Variants in CDH13 observed in about 807,000 individuals in gnomAD.
The protein encoded by CDH13 is cadherin-13.
In CDH13, 24 loss-of-function variants were observed where a neutral mutation model predicts 63.8. That is an observed-to-expected ratio of 0.38 (90% CI 0.27 to 0.53). The LOEUF (loss-of-function observed/expected upper bound fraction) is 0.53, where lower values mean the gene tolerates loss of function less well. Ranked by LOEUF, CDH13 falls within the 20% of genes least tolerant of loss-of-function variation. CDH13 has a pLI of 0.85. For missense variants in CDH13, 1,049 were observed against 903.1 expected (o/e 1.16, Z -2.07); for synonymous variants, 503 against 355.3 (o/e 1.42, Z -4.67).
At chr16:82,968,219 A>G (rs1908148489) in intron 2 of CDH13, among the ~76,000 whole-genome samples, 1 of 152,146 alleles carries the variant, frequency 6.6e-6, no homozygotes, top group South Asian at 2.1e-4. Flanking sequence ...CCGTTTGTCC[A>G]GTGGGAAGCC....
Position 83,090,663 on chromosome 16 carries a change from G to C in CDH13, c.367-34722G>C, listed in dbSNP as rs535846007. Among the ~76,000 whole-genome samples, 8 of 152,064 alleles carry C rather than the reference G, an allele frequency of 5.3e-5. No homozygotes were observed. The South Asian group carries it at 1.7e-3, about 32-fold the overall frequency. On this transcript the variant is annotated intron_variant, in intron 3 of 13. Transcript: ENST00000567109. ...TCCTAGCCCAGGCTCTGCACTCTCG[G>C]TAATCCCTCTGACTGACTCTCAAGT... is the stretch of plus-strand genomic sequence containing the variant.
At chr16:83,335,398 A>ACC (rs1240455960) in intron 5 of CDH13, among the ~76,000 whole-genome samples, 1 of 151,728 alleles carries the variant, frequency 6.6e-6, no homozygotes, top group African/African-American at 2.4e-5. Context: ...AGTCAAACAC[A>ACC]CACACACACA....
intron 1 of CDH13, among the ~76,000 whole-genome samples, chr16:82,721,136 A>C (rs1320332327): frequency 6.6e-6 from 1 of 152,228 alleles, no homozygotes; most frequent in South Asian, 2.1e-4. Context: ...CCTTGATTTA[A>C]CAAACATTCA....
chr16:82,991,222 C>T (rs188549447), intron 2 of CDH13, among the ~76,000 whole-genome samples: 21 of 152,320 alleles, frequency 1.4e-4, no homozygotes, highest in Non-Finnish European at 1.5e-5. Context: ...ATTAATGACA[C>T]ATTCAACTGA....
At chr16:83,321,932 T>C (rs1172980143) in intron 5 of CDH13, among the ~76,000 whole-genome samples, 2 of 152,176 alleles carry the variant, frequency 1.3e-5, no homozygotes, top group Non-Finnish European at 2.9e-5. Context: ...CCAGATTCAG[T>C]CCATGGAGCA....
At chr16:83,188,948 C>T (rs1255204545) in intron 4 of CDH13, among the ~76,000 whole-genome samples, 3 of 152,112 alleles carry the variant, frequency 2.0e-5, no homozygotes, top group African/African-American at 4.8e-5. Flanking sequence ...CAGGAAGCCT[C>T]TGTTTTTAAC....
At chr16:83,054,842 T>C (rs1362012992) in intron 3 of CDH13, among the ~76,000 whole-genome samples, 5 of 152,132 alleles carry the variant, frequency 3.3e-5, no homozygotes. Context: ...ATATAGATTT[T>C]ACTAAACAAA....
chr16:83,482,727 A>G (rs1357759549), intron 6 of CDH13, among the ~76,000 whole-genome samples: 1 of 152,216 alleles, frequency 6.6e-6, no homozygotes, highest in Admixed American at 6.5e-5. Context: ...ACGTGGAGAC[A>G]TGGTGTAGAC....
chr16:83,441,253 G>T (rs2072472044), intron 6 of CDH13, among the ~76,000 whole-genome samples: 1 of 152,162 alleles, frequency 6.6e-6, no homozygotes, highest in Non-Finnish European at 1.5e-5. Flanking sequence ...AATACTTTGA[G>T]TACCACTCTG....
chr16:83,536,578 G>A (rs1027140274), intron 7 of CDH13, among the ~76,000 whole-genome samples: 3 of 152,032 alleles, frequency 2.0e-5, no homozygotes, highest in Non-Finnish European at 2.9e-5. Context: ...ACAGGCTGAT[G>A]GGTTTTGTCT....
intron 1 of CDH13, among the ~76,000 whole-genome samples, chr16:82,766,371 T>C (rs775743090): frequency 2.0e-5 from 3 of 152,176 alleles, no homozygotes; most frequent in Non-Finnish European, 4.4e-5. Context: ...CTGAAGAAAA[T>C]GGAGGCATGA....
intron 7 of CDH13, among the ~76,000 whole-genome samples, chr16:83,590,971 C>T (rs1227227559): frequency 7.4e-6 from 1 of 135,040 alleles, no homozygotes; most frequent in East Asian, 2.3e-4. Context: ...AGTGCAGTGG[C>T]GTGATCTTAG....
At chr16:82,911,343 C>A (rs2041822891) in intron 2 of CDH13, among the ~76,000 whole-genome samples, 1 of 152,142 alleles carries the variant, frequency 6.6e-6, no homozygotes, top group Non-Finnish European at 1.5e-5. Context: ...CTTGATTTAG[C>A]ACTTCCTTTT....
At chr16:83,102,206 C>G (rs758212589) in intron 3 of CDH13, among the ~76,000 whole-genome samples, 1 of 152,202 alleles carries the variant, frequency 6.6e-6, no homozygotes, top group African/African-American at 2.4e-5. Context: ...GAACACAGTT[C>G]TGATGACACC....
At chr16:83,354,187 C>G (rs1208437882) in intron 6 of CDH13, among the ~76,000 whole-genome samples, 5 of 152,186 alleles carry the variant, frequency 3.3e-5, no homozygotes, top group African/African-American at 1.2e-4. Context: ...TTGAGTTGTC[C>G]TAGCACAGAA....
At chr16:83,160,191 G>T (rs1396133178) in intron 4 of CDH13, among the ~76,000 whole-genome samples, 1 of 152,130 alleles carries the variant, frequency 6.6e-6, no homozygotes, top group Non-Finnish European at 1.5e-5. Flanking sequence ...ACATGTTTGG[G>T]TGAAAATGAT....
At chr16:83,121,526 A>G (rs77414734) in intron 3 of CDH13, among the ~76,000 whole-genome samples, 6,718 of 152,270 alleles carry the variant, frequency 0.044, 481 homozygotes, top group African/African-American at 0.14. Context: ...TAGAGTAGTG[A>G]TGGTGAGGGC....
intron 1 of CDH13, among the ~76,000 whole-genome samples, chr16:82,853,157 C>T (rs548667218): frequency 6.6e-6 from 1 of 152,218 alleles, no homozygotes; most frequent in East Asian, 1.9e-4. Context: ...TGCTTGGTGT[C>T]CTACAGAGGT....
intron 3 of CDH13, among the ~76,000 whole-genome samples, chr16:83,105,003 C>T (rs1597344590): frequency 6.6e-6 from 1 of 152,110 alleles, no homozygotes; most frequent in Admixed American, 6.6e-5. Flanking sequence ...TCTCTTTTGG[C>T]ATTCCTTTTT....
Sources: gnomAD v4.1 joint callset for allele counts (sites outside exome capture counted in the v4.1 genomes callset) on GRCh38, gnomAD v4.1.1 for gene constraint, MANE v1.5 for transcripts, NCBI Gene and HGNC (gene_info 2026-07-23, HGNC 2026-07-21) for gene names.